The following UBE3C variants were observed in gnomAD, a reference collection of about 807,000 sequenced individuals.
The protein encoded by UBE3C is ubiquitin protein ligase E3C, also known as ubiquitin-protein ligase E3C.
UBE3C carries 42 observed loss-of-function variants against 129.4 expected under a neutral mutation model. The ratio of observed to expected loss-of-function variants is 0.32; its 90% confidence interval spans 0.25 to 0.42. The LOEUF is 0.42. Among genes scored for constraint, UBE3C ranks in the 10% least tolerant of loss-of-function variants. The probability of loss-of-function intolerance (pLI) is 1.00; values close to 1 mark genes in which losing one functional copy is unlikely to be tolerated. For synonymous variants in UBE3C, 510 were observed against 492.4 expected (o/e 1.04, Z -0.47); for missense variants, 1,049 against 1,319.1 (o/e 0.80, Z 3.17).
Position 157,248,577 on chromosome 7 carries a change from G to T in UBE3C, c.2691G>T (p.Ala897=). The T allele has an allele frequency of 1.2e-6, 2 of 1,612,178 alleles. No individual in the cohort carries two copies. The highest frequency in any genetic ancestry group is 1.7e-6 in the Non-Finnish European group (2 of 1,179,918). Reference sequence around the variant, plus strand: ...TGGTGAACAATGACCTGGGAGAGGCGCAGGTGAGGGGTCAGGAGGAGGATT... The same window carrying T: ...TGGTGAACAATGACCTGGGAGAGGCTCAGGTGAGGGGTCAGGAGGAGGATT... The part of the protein sequence containing the change: ...FTVVNNDLGE[A]QVVELKFGGK... Residue 897 remains alanine (A), a synonymous_variant, in exon 19 of 23, where the codon GCG becomes GCT. Transcript: ENST00000348165.
At chr7:157,205,968 T>C (rs1809422058) in intron 11 of UBE3C, among the ~76,000 whole-genome samples, 1 of 152,200 alleles carries the variant, frequency 6.6e-6, no homozygotes, top group Admixed American at 6.5e-5. Context: ...ACCTTCTGCT[T>C]TGCTTTCATA....
intron 11 of UBE3C, among the ~76,000 whole-genome samples, chr7:157,204,243 G>A (rs1381072027): frequency 3.3e-5 from 5 of 151,870 alleles, no homozygotes; most frequent in African/African-American, 9.7e-5. Context: ...CTCAATTTAA[G>A]TCAAAAATAG....
chr7:157,193,354 G>A (rs1034266142), intron 10 of UBE3C, among the ~76,000 whole-genome samples: 2 of 152,030 alleles, frequency 1.3e-5, no homozygotes, highest in Non-Finnish European at 1.5e-5. Context: ...TGGGTGTCTC[G>A]CTGTTTCTTT....
intron 14 of UBE3C, among the ~76,000 whole-genome samples, chr7:157,217,954 C>T (rs140117895): frequency 1.1e-4 from 16 of 152,228 alleles, no homozygotes; most frequent in African/African-American, 3.6e-4. Flanking sequence ...GCCCTGGAGG[C>T]GGAGGTTGCA....
chr7:157,175,012 A>C lies in UBE3C; in HGVS notation c.436A>C (p.Arg146=), dbSNP rs774923493. Residue 146 remains arginine, a synonymous_variant, in exon 5 of 23, where the codon AGA becomes CGA. Coordinates refer to ENST00000348165, the MANE Select transcript of UBE3C (RefSeq NM_014671.3). ...ERLTCLFQIK[R]LMSLCCRLLQ... ...ACTTACATGCTTATTTCAGATAAAAAGATTGATGAGCCTCTGTTGCAGGTA... is the reference window on the plus strand; with the variant it reads ...ACTTACATGCTTATTTCAGATAAAACGATTGATGAGCCTCTGTTGCAGGTA... 6.2e-7 allele frequency: 1 copy of C among 1,611,922 alleles called. No homozygotes were observed. The highest frequency in any genetic ancestry group is 1.1e-5 in the South Asian group (1 of 90,474).
intron 6 of UBE3C, among the ~76,000 whole-genome samples, chr7:157,179,968 G>T (rs928506960): frequency 6.6e-6 from 1 of 152,196 alleles, no homozygotes; most frequent in Admixed American, 6.5e-5. Flanking sequence ...GTGGTTCATT[G>T]TGTTAGTTGA....
intron 10 of UBE3C, among the ~76,000 whole-genome samples, chr7:157,187,724 C>T (rs1209086612): frequency 1.3e-5 from 2 of 151,728 alleles, no homozygotes; most frequent in Non-Finnish European, 2.9e-5. Flanking sequence ...CTACAGGCGC[C>T]CGCCACCTCG....
chr7:157,201,630 T>C (rs1442734761), intron 10 of UBE3C, 91 bp from the exon 11 acceptor site: 1 of 731,984 alleles, frequency 1.4e-6, no homozygotes. Context: ...TGATCTTCAG[T>C]GTATCGCTTT....
chr7:157,235,395 A>G (rs1796129203), intron 18 of UBE3C, among the ~76,000 whole-genome samples: 2 of 152,208 alleles, frequency 1.3e-5, no homozygotes, highest in Admixed American at 1.3e-4. Context: ...ACCTGCATGA[A>G]TTAAATCTTA....
chr7:157,231,265 C>A lies in UBE3C; in HGVS notation c.2419C>A (p.Gln807Lys). The change falls in exon 18 of 23, where the codon CAG (glutamine) becomes AAG (lysine). Residue 807 changes from glutamine (Q) to lysine (K), a missense_variant. Gln to Lys is a moderately conservative substitution (Grantham distance 53). Transcript: ENST00000348165. ...EGLLYPNPAA[Q>K]MLVGDSFARH... ...GCTTCTGTACCCCAACCCGGCTGCT[C>A]AGATGCTTGTGGGAGATTCTTTTGC... 6.2e-7 allele frequency: 1 copy of A among 1,614,166 alleles called. No individual in the cohort carries two copies. The highest frequency in any genetic ancestry group is 8.5e-7 in the Non-Finnish European group (1 of 1,180,040).
At chr7:157,226,483 T>A (rs1450077649) in intron 17 of UBE3C, among the ~76,000 whole-genome samples, 3 of 152,208 alleles carry the variant, frequency 2.0e-5, no homozygotes, top group African/African-American at 7.2e-5. Flanking sequence ...AATGAAAGTT[T>A]AGGCTGGATC....
intron 1 of UBE3C, chr7:157,139,891 A>G (rs1434780680): frequency 1.7e-5 from 10 of 579,658 alleles, no homozygotes; most frequent in African/African-American, 6.1e-5. Context: ...AAGTAGAGGC[A>G]GAACGTCTCA....
At chr7:157,162,542 C>CTTT (rs201356346) in intron 1 of UBE3C, among the ~76,000 whole-genome samples, 1 of 140,132 alleles carries the variant, frequency 7.1e-6, no homozygotes, top group Admixed American at 7.2e-5. Flanking sequence ...CAATCTTGAA[C>CTTT]TTTTTTTTTT....
intron 3 of UBE3C, among the ~76,000 whole-genome samples, chr7:157,169,578 G>A (rs996177593): frequency 6.6e-6 from 1 of 152,112 alleles, no homozygotes; most frequent in Admixed American, 6.5e-5. Context: ...GTTTTGCCAC[G>A]TTGACCAGGC....
intron 18 of UBE3C, among the ~76,000 whole-genome samples, chr7:157,233,053 T>C (rs1271418046): frequency 6.6e-6 from 1 of 152,068 alleles, no homozygotes; most frequent in Non-Finnish European, 1.5e-5. Context: ...TATCCTGCCC[T>C]TCCTCCCCCA....
At chr7:157,175,136 A>AATTTTTTT in intron 5 of UBE3C, 102 bp downstream of exon 5, 113 of 372,276 alleles carry the variant, frequency 3.0e-4, no homozygotes, top group East Asian at 1.3e-3. Context: ...GCTTTTCCAT[A>AATTTTTTT]CTTTTTTTTT....
intron 1 of UBE3C, among the ~76,000 whole-genome samples, chr7:157,144,725 C>G (rs933612206): frequency 6.6e-6 from 1 of 151,970 alleles, no homozygotes; most frequent in Non-Finnish European, 1.5e-5. Flanking sequence ...AGAGCAGTTT[C>G]AGGTTTACAA....
intron 2 of UBE3C, among the ~76,000 whole-genome samples, chr7:157,165,652 G>A (rs1808193549): frequency 1.3e-5 from 2 of 152,166 alleles, no homozygotes; most frequent in Non-Finnish European, 2.9e-5. Flanking sequence ...GCCTGTCTCA[G>A]CTTCCCAAAG....
At chr7:157,189,870 G>A (rs1017665750) in intron 10 of UBE3C, among the ~76,000 whole-genome samples, 3 of 151,952 alleles carry the variant, frequency 2.0e-5, no homozygotes, top group Non-Finnish European at 4.4e-5. Context: ...GTGTGAACTC[G>A]GCTCACTGCA....
Sources: gnomAD v4.1 joint callset for allele counts (sites outside exome capture counted in the v4.1 genomes callset) on GRCh38, gnomAD v4.1.1 for gene constraint, MANE v1.5 for transcripts, NCBI Gene and HGNC (gene_info 2026-07-23, HGNC 2026-07-21) for gene names.